Variants in TEX9 observed in about 807,000 individuals in gnomAD.
TEX9 encodes testis expressed 9, also known as testis-expressed protein 9.
TEX9 carries 74 observed loss-of-function variants against 59.6 expected under a neutral mutation model. The observed-to-expected ratio is 1.24, with a 90% CI of 1.03 to 1.51. TEX9 has a LOEUF of 1.51. Ranked by LOEUF, TEX9 falls within the 40% of genes most tolerant of loss-of-function variation. TEX9 has a pLI of 0.00. For synonymous variants in TEX9, 186 were observed against 152.2 expected (o/e 1.22, Z -1.64); for missense variants, 522 against 447.8 (o/e 1.17, Z -1.49).
chr15:56,410,938 T>C (rs1366716853), intron 9 of TEX9, among the ~76,000 whole-genome samples: 1 of 152,210 alleles, frequency 6.6e-6, no homozygotes, highest in Non-Finnish European at 1.5e-5. Flanking sequence ...ATGGTATCCA[T>C]ACACAGTTTG....
At chr15:56,311,120 TATTTCTTTTTTTTTTTTA>T (rs145451281) in intron 1 of TEX9, among the ~76,000 whole-genome samples, 66,584 of 145,086 alleles carry the variant, frequency 0.46, 15,678 homozygotes, top group East Asian at 0.81. Flanking sequence ...GGTGACTCCT[TATTTCTTTTTTTTTTTTA>T]ATTTCTTTTT....
intron 1 of TEX9, among the ~76,000 whole-genome samples, chr15:56,303,387 A>T (rs1231907001): frequency 6.6e-6 from 1 of 152,208 alleles, no homozygotes; most frequent in Non-Finnish European, 1.5e-5. Context: ...ACTGGAAATT[A>T]ATAATAAGAA....
chr15:56,371,246 C>G (rs1430672344), intron 2 of TEX9, among the ~76,000 whole-genome samples: 7 of 152,142 alleles, frequency 4.6e-5, no homozygotes, highest in African/African-American at 1.7e-4. Context: ...CCCTTGTTTT[C>G]TGTATCTCCT....
At chr15:56,410,773 A>G (rs1194339599) in intron 9 of TEX9, among the ~76,000 whole-genome samples, 1 of 152,210 alleles carries the variant, frequency 6.6e-6, no homozygotes, top group Non-Finnish European at 1.5e-5. Flanking sequence ...TCATTTCTAT[A>G]TTCTTAAGAA....
chr15:56,369,213 C>T (rs1298336681), intron 2 of TEX9, among the ~76,000 whole-genome samples: 3 of 152,046 alleles, frequency 2.0e-5, no homozygotes, highest in Non-Finnish European at 2.9e-5. Context: ...ATGTATGTGA[C>T]AAGGTCTTGC....
intron 2 of TEX9, among the ~76,000 whole-genome samples, chr15:56,366,659 C>G (rs576660517): frequency 1.3e-5 from 2 of 152,144 alleles, no homozygotes; most frequent in African/African-American, 4.8e-5. Flanking sequence ...TCATACATAC[C>G]CTTATAAAAA....
chr15:56,380,656 T>C (rs1033808755), intron 3 of TEX9, among the ~76,000 whole-genome samples: 1 of 152,210 alleles, frequency 6.6e-6, no homozygotes, highest in Non-Finnish European at 1.5e-5. Context: ...TTATTATCTT[T>C]CATGTTTGAA....
At chr15:56,353,924 C>T (rs1431802972) in intron 1 of TEX9, among the ~76,000 whole-genome samples, 2 of 152,154 alleles carry the variant, frequency 1.3e-5, no homozygotes, top group Non-Finnish European at 2.9e-5. Flanking sequence ...GCTTTAGAGG[C>T]CTTTTTCCAG....
Position 56,310,293 on chromosome 15 carries a change from G to A in TEX9, c.-106-63148G>A, listed in dbSNP as rs139754720. Among the ~76,000 whole-genome samples, 1,393 of 152,246 alleles carry A rather than the reference G, an allele frequency of 9.1e-3. 24 individuals are homozygous for A. The highest frequency in any genetic ancestry group is 0.012 in the Non-Finnish European group (818 of 68,006). On this transcript the variant is annotated intron_variant, in intron 1 of 5. Coordinates refer to the TEX9 transcript ENST00000560827. ...CTAAAGATACAAAAATTAGCCAGGT[G>A]TGGTGGTGCATGCCTGTAATCCCAG... is the stretch of plus-strand genomic sequence containing the variant.
chr15:56,456,587 T>C, the TEX9 span: 1 of 1,552,490 alleles, frequency 6.4e-7, no homozygotes, highest in East Asian at 2.3e-5. Context: ...AAGGTTGAAT[T>C]TGTTTTATAA....
At chr15:56,414,671 C>T (rs775958511) in intron 10 of TEX9, among the ~76,000 whole-genome samples, 5 of 151,610 alleles carry the variant, frequency 3.3e-5, no homozygotes, top group Non-Finnish European at 5.9e-5. Context: ...ATTCCATGTC[C>T]TTGCTATTGT....
chr15:56,434,233 T>C (rs773659068), intron 12 of TEX9: 9 of 1,614,024 alleles, frequency 5.6e-6, no homozygotes, highest in East Asian at 4.5e-5. Context: ...TGAGCATTCA[T>C]TAATTCTATT....
At chr15:56,366,361 C>T (rs2046943869) in intron 2 of TEX9, among the ~76,000 whole-genome samples, 2 of 152,152 alleles carry the variant, frequency 1.3e-5, no homozygotes, top group South Asian at 4.1e-4. Context: ...TTCCCCTTTT[C>T]CCCCTAAAAC....
At chr15:56,389,543 A>G (rs567334247) in intron 6 of TEX9, 143 bp downstream of exon 6, 3 of 590,506 alleles carry the variant, frequency 5.1e-6, no homozygotes, top group South Asian at 4.9e-5. Context: ...TCTTATCCAC[A>G]TTCAGTAATT....
At chr15:56,431,345 A>G in intron 12 of TEX9, 1 of 1,607,036 alleles carries the variant, frequency 6.2e-7, no homozygotes, top group Non-Finnish European at 8.5e-7. Flanking sequence ...GGTCATGAAG[A>G]TTACAACTTG....
intron 10 of TEX9, among the ~76,000 whole-genome samples, chr15:56,426,628 CACACACACAA>C (rs2050286741): frequency 2.5e-5 from 1 of 40,716 alleles, no homozygotes; most frequent in African/African-American, 5.3e-5. Context: ...TATATATATA[CACACACACAA>C]ACACACACAC....
chr15:56,345,017 T>TTCTA (rs1477674162), intron 1 of TEX9, among the ~76,000 whole-genome samples: 7 of 143,960 alleles, frequency 4.9e-5, no homozygotes, highest in East Asian at 4.0e-4. Context: ...TTACTAGTTT[T>TTCTA]TCTATCTATC....
At chr15:56,420,029 G>A (rs1779668826) in intron 10 of TEX9, among the ~76,000 whole-genome samples, 3 of 151,452 alleles carry the variant, frequency 2.0e-5, no homozygotes, top group South Asian at 2.1e-4. Flanking sequence ...TGTTCATTTC[G>A]TTTATGTTGT....
chr15:56,428,446 T>C, exon 12 of TEX9: 1 of 1,606,074 alleles, frequency 6.2e-7, no homozygotes, highest in South Asian at 1.1e-5. Context: ...AATTCATAAG[T>C]GATCTACTTC....
Sources: allele counts gnomAD v4.1 joint callset (sites outside exome capture counted in the v4.1 genomes callset), GRCh38; gene constraint gnomAD v4.1.1; transcripts MANE v1.5; gene names NCBI Gene and HGNC (gene_info 2026-07-23, HGNC 2026-07-21).